Variants in GRM4 observed in about 807,000 individuals in gnomAD.
The protein encoded by GRM4 is glutamate metabotropic receptor 4, also known as metabotropic glutamate receptor 4.
GRM4 carries 28 observed loss-of-function variants against 81.7 expected under a neutral mutation model. That is an observed-to-expected ratio of 0.34 (90% CI 0.25 to 0.47). The LOEUF is 0.47. GRM4 is among the 20% of genes least tolerant of loss of function. The probability of loss-of-function intolerance (pLI) is 1.00; values close to 1 mark genes in which losing one functional copy is unlikely to be tolerated. For synonymous variants in GRM4, 488 were observed against 528.8 expected, an observed-to-expected ratio of 0.92 and a Z score of 1.06; for missense variants, 948 against 1,290.0, an observed-to-expected ratio of 0.73 and a Z score of 4.06.
At chr6:34,085,459 G>C (rs183607250) in intron 3 of GRM4, among the ~76,000 whole-genome samples, 32 of 152,278 alleles carry the variant, frequency 2.1e-4, no homozygotes, top group Non-Finnish European at 3.5e-4. Flanking sequence ...GAACAGCCAG[G>C]GAGCTCAGTA....
chr6:34,118,545 G>A (rs749538463), intron 2 of GRM4, among the ~76,000 whole-genome samples: 7 of 152,200 alleles, frequency 4.6e-5, no homozygotes, highest in Admixed American at 6.5e-5. Flanking sequence ...TCCTGACCGC[G>A]TTGTAGGACT....
Position 34,035,149 on chromosome 6 carries a change from G to A in GRM4, c.2442+519C>T, listed in dbSNP as rs560458238. On this transcript the variant is annotated intron_variant, in intron 9 of 10. Coordinates refer to ENST00000538487, the MANE Select transcript of GRM4 (RefSeq NM_000841.4). This position sits in a 1 kb window ranked among gnomAD's most constrained non-coding sequence, Gnocchi z 6.6. ...CAAAAGGAAGACAGGGTTGAGTAGG[G>A]AGAGAGGTAAGAGAAAGGAGTCTAG... Among the ~76,000 whole-genome samples the A allele has an allele frequency of 2.6e-4, 39 of 152,168 alleles. No homozygotes were observed. The South Asian group carries it at 7.3e-3, about 28-fold the overall frequency.
chr6:34,143,324 TCTGA>T (rs1770781246), intron 1 of GRM4, among the ~76,000 whole-genome samples: 1 of 151,504 alleles, frequency 6.6e-6, no homozygotes, highest in African/African-American at 2.4e-5. Context: ...AAGGACAGGA[TCTGA>T]CTAAGGGCTG....
chr6:34,138,173 G>T (rs909719044), intron 1 of GRM4, among the ~76,000 whole-genome samples: 3 of 152,184 alleles, frequency 2.0e-5, no homozygotes, highest in Non-Finnish European at 2.9e-5. Flanking sequence ...CAGGGTCATT[G>T]CCAGAGTCCC....
intron 3 of GRM4, among the ~76,000 whole-genome samples, chr6:34,082,589 C>T (rs950330179): frequency 6.6e-6 from 1 of 152,218 alleles, no homozygotes; most frequent in Non-Finnish European, 1.5e-5. Flanking sequence ...GGACAAGAGC[C>T]AGGACCAGAA....
Position 34,078,579 on chromosome 6 carries a change from C to T in GRM4, c.736+13304G>A, listed in dbSNP as rs1249167755. 2.6e-5 allele frequency among the ~76,000 whole-genome samples: 4 copies of T among 152,182 alleles called. No homozygotes were observed. Among genetic ancestry groups the T allele is most frequent in the Admixed American group, 1.3e-4 (2 of 15,284 alleles). ...ACCTGACAAGTGGCCTCTGCTCTCT[C>T]AGCCTGTTTCCTACCTGTGAAATGG... On this transcript the variant is annotated intron_variant, in intron 3 of 10. Coordinates refer to ENST00000538487, the MANE Select transcript of GRM4 (RefSeq NM_000841.4). The surrounding 1 kb of genome is among the most constrained non-coding windows in gnomAD (Gnocchi z 4.8).
chr6:34,146,263 C>G (rs944002226), upstream of GRM4: 1 of 443,090 alleles, frequency 2.3e-6, no homozygotes, highest in Non-Finnish European at 3.0e-6. Context: ...GGTGACTCCA[C>G]TTGCCCCAGA....
intron 3 of GRM4, among the ~76,000 whole-genome samples, chr6:34,086,044 G>A (rs1221674038): frequency 2.0e-5 from 3 of 152,362 alleles, no homozygotes; most frequent in Non-Finnish European, 2.9e-5. Context: ...GGAGAGGCAC[G>A]GAAGGAGGCA....
rs527994833 is a variant in GRM4, at chr6:34,067,036, G to A, written c.737-5008C>T. 1.8e-3 allele frequency among the ~76,000 whole-genome samples: 272 copies of A among 152,152 alleles called. 2 individuals are homozygous for A. Among genetic ancestry groups the A allele is most frequent in the Non-Finnish European group, 3.3e-3 (225 of 67,994 alleles). ...TGGGGCTGCCCCTGTCCTCCCAGCC[G>A]TGTGGTTCCTGAAATCCCATCGTCC... On this transcript the variant is annotated intron_variant, in intron 3 of 10. Transcript: ENST00000538487.
chr6:34,109,681 G>A (rs1769285866), intron 2 of GRM4, among the ~76,000 whole-genome samples: 1 of 152,126 alleles, frequency 6.6e-6, no homozygotes, highest in Non-Finnish European at 1.5e-5. Flanking sequence ...TGGAGGGCAG[G>A]ATTACCCTCT....
intron 6 of GRM4, among the ~76,000 whole-genome samples, chr6:34,044,905 GACAT>G (rs773311653): frequency 6.5e-5 from 9 of 138,958 alleles, no homozygotes; most frequent in South Asian, 2.3e-4. Context: ...TACACACACA[GACAT>G]ACATACACAT....
At chr6:34,142,531 C>A (rs565757754) in intron 1 of GRM4, among the ~76,000 whole-genome samples, 41 of 152,314 alleles carry the variant, frequency 2.7e-4, no homozygotes, top group Middle Eastern at 6.8e-3. Context: ...CCATCTTTTG[C>A]TGCCAGCTGT....
At chr6:34,049,125 C>T (rs1483747998) in intron 6 of GRM4, among the ~76,000 whole-genome samples, 1 of 152,106 alleles carries the variant, frequency 6.6e-6, no homozygotes, top group Non-Finnish European at 1.5e-5. Flanking sequence ...ATAAGAGGTG[C>T]CTCTGCTCAC....
At position 34,047,468 on chromosome 6, in the gene GRM4, C is replaced by T. The variant is rs1344520328; in HGVS notation, c.1169-6720G>A. Among the ~76,000 whole-genome samples, 3 of 152,132 alleles carry T rather than the reference C, an allele frequency of 2.0e-5. No homozygotes were observed. Among genetic ancestry groups the T allele is most frequent in the Admixed American group, 2.0e-4 (3 of 15,276 alleles). The stretch of plus-strand genomic sequence containing the variant: ...AGTCCAGGCTCACCATCCCACAAGC[C>T]CCCAAATTCCCAGAAGTCACCAGCC... On this transcript the variant is annotated intron_variant, in intron 6 of 10. Transcript: ENST00000538487. This position sits in a 1 kb window ranked among gnomAD's most constrained non-coding sequence, Gnocchi z 4.5.
At position 34,133,258 on chromosome 6, in the gene GRM4, T is replaced by A; in HGVS notation, c.239A>T (p.Glu80Val). ...GCGATCCAGGGCGAACAGCATGGCC[T>A]CCAGCCGGTGGATGCCCTTTTCCTT... ...LKKEKGIHRL[E>V]AMLFALDRIN... Residue 80 changes from glutamate (E) to valine (V), a missense_variant, in exon 2 of 11, where the codon GAG becomes GTG. Transcript: ENST00000538487. This position sits in a 1 kb window ranked among gnomAD's most constrained non-coding sequence, Gnocchi z 6.5. 1 of 1,614,194 alleles carries A rather than the reference T, an allele frequency of 6.2e-7. No individual in the cohort carries two copies. The highest frequency in any genetic ancestry group is 8.5e-7 in the Non-Finnish European group (1 of 1,180,030).
rs1485600916 is a variant in GRM4, at chr6:34,022,703, C to T, written c.*118G>A. 2.6e-5 allele frequency: 23 copies of T among 885,592 alleles called. No homozygotes were observed. The highest frequency in any genetic ancestry group is 2.9e-4 in the Middle Eastern group (1 of 3,460). The allele number at this position is 885,592 out of a possible 1,614,324, so 54.9% of individuals were successfully genotyped here. On this transcript the variant is annotated 3_prime_UTR_variant, in exon 11 of 11. Coordinates refer to ENST00000538487, the MANE Select transcript of GRM4 (RefSeq NM_000841.4). This position sits in a 1 kb window ranked among gnomAD's most constrained non-coding sequence, Gnocchi z 5.6. ...GGCTCTGCTATCCTCAGCACCAAGC[C>T]ACGTCCGTGGGTGCCCACGGGCAGG...
At chr6:34,032,604 C>T (rs1764493110) in intron 9 of GRM4, among the ~76,000 whole-genome samples, 1 of 152,238 alleles carries the variant, frequency 6.6e-6, no homozygotes. Flanking sequence ...TGGTGTGAGG[C>T]CAGCCTGTCG....
At chr6:34,153,680 G>A (rs938513737) in intron 1 of GRM4, among the ~76,000 whole-genome samples, 1 of 152,214 alleles carries the variant, frequency 6.6e-6, no homozygotes, top group African/African-American at 2.4e-5. Context: ...GAGGTCAGGA[G>A]TTCAAGACCA....
rs772193913 is a variant in GRM4, at chr6:34,028,154, G to A, written c.2655C>T (p.Ala885=). The A allele has an allele frequency of 6.8e-6, 11 of 1,613,778 alleles. No homozygotes were observed. The African/African-American group carries it at 1.3e-4, about 20-fold the overall frequency. The change falls in exon 10 of 11, where the codon GCC becomes GCT. Residue 885 remains alanine (A), a synonymous_variant. Coordinates refer to ENST00000538487, the MANE Select transcript of GRM4 (RefSeq NM_000841.4). ...CAAGGTTCTCGCAGAGCTCAGACTT[G>A]GCCTCTCCGTTGGGCCGGAAGTTGC... ...QKGNFRPNGE[A]KSELCENLEA...
Sources: gnomAD v4.1 joint callset for allele counts (sites outside exome capture counted in the v4.1 genomes callset) on GRCh38, gnomAD v4.1.1 for gene constraint, Gnocchi (gnomAD v3.1) non-coding constraint, MANE v1.5 for transcripts, NCBI Gene and HGNC (gene_info 2026-07-23, HGNC 2026-07-21) for gene names.